DLG2: variants seen among roughly 807,000 people sequenced by gnomAD.
DLG2 encodes disks large homolog 2.
DLG2 carries 45 observed loss-of-function variants against 132.5 expected under a neutral mutation model. The observed-to-expected ratio is 0.34, with a 90% CI of 0.27 to 0.44. DLG2 has a LOEUF of 0.44. Among genes scored for constraint, DLG2 ranks in the 20% least tolerant of loss-of-function variants. The pLI, the probability that DLG2 is intolerant of heterozygous loss-of-function variation, is 1.00. For missense variants in DLG2, 1,045 were observed against 1,196.9 expected, an observed-to-expected ratio of 0.87 and a Z score of 1.87; for synonymous variants, 424 against 419.6, an observed-to-expected ratio of 1.01 and a Z score of -0.13.
chr11:84,684,365 TA>T (rs2099736187), intron 6 of DLG2, among the ~76,000 whole-genome samples: 2 of 152,186 alleles, frequency 1.3e-5, no homozygotes, highest in Admixed American at 1.3e-4. Context: ...TGACTTCCTT[TA>T]TACAACTTTC....
At chr11:83,868,783 C>T (rs879680109) in intron 16 of DLG2, among the ~76,000 whole-genome samples, 1 of 152,096 alleles carries the variant, frequency 6.6e-6, no homozygotes, top group Admixed American at 6.6e-5. Context: ...TATTTATCAG[C>T]ATGTCAACTC....
intron 17 of DLG2, 82 bp from the exon 18 acceptor site, chr11:83,786,874 G>T: frequency 1.7e-6 from 2 of 1,168,164 alleles, no homozygotes; most frequent in Non-Finnish European, 2.5e-6. Flanking sequence ...CCAAAACCAG[G>T]CTGTCTAACA....
At chr11:83,541,103 G>A (rs1236835966) in intron 20 of DLG2, among the ~76,000 whole-genome samples, 2 of 151,950 alleles carry the variant, frequency 1.3e-5, no homozygotes, top group Non-Finnish European at 2.9e-5. Context: ...GTTGTGAGGT[G>A]GGGAACAAGA....
At chr11:84,028,052 TA>T (rs368079509) in intron 11 of DLG2, among the ~76,000 whole-genome samples, 7,002 of 146,710 alleles carry the variant, frequency 0.048, 209 homozygotes, top group Non-Finnish European at 0.071. Context: ...TTGTCCAGAT[TA>T]AAAAAAAAAA....
At chr11:83,763,526 C>A (rs752914341) in intron 18 of DLG2, among the ~76,000 whole-genome samples, 2 of 152,128 alleles carry the variant, frequency 1.3e-5, no homozygotes, top group African/African-American at 4.8e-5. Context: ...CATAGAAAAA[C>A]CCACAGCCAA....
intron 3 of DLG2, among the ~76,000 whole-genome samples, chr11:85,545,199 G>A (rs1390783440): frequency 6.6e-6 from 1 of 152,162 alleles, no homozygotes; most frequent in Non-Finnish European, 1.5e-5. Context: ...TTAGCATGAA[G>A]GGCTGTTGAA....
At chr11:83,748,350 G>A (rs555609587) in intron 18 of DLG2, among the ~76,000 whole-genome samples, 1 of 152,214 alleles carries the variant, frequency 6.6e-6, no homozygotes, top group Admixed American at 6.5e-5. Context: ...TAATCAACTG[G>A]ACATTTTCAT....
intron 10 of DLG2, among the ~76,000 whole-genome samples, chr11:84,097,879 C>T (rs1399646251): frequency 6.6e-6 from 1 of 152,000 alleles, no homozygotes; most frequent in African/African-American, 2.4e-5. Context: ...AGGTTTTGAT[C>T]CCATAGCATT....
At chr11:84,302,353 T>C (rs570222270) in intron 7 of DLG2, among the ~76,000 whole-genome samples, 2 of 152,272 alleles carry the variant, frequency 1.3e-5, no homozygotes, top group Non-Finnish European at 2.9e-5. Context: ...TAAAAAATGA[T>C]GTCAACAAGA....
chr11:84,121,301 C>T (rs1443199796), intron 9 of DLG2, among the ~76,000 whole-genome samples: 1 of 152,046 alleles, frequency 6.6e-6, no homozygotes, highest in Non-Finnish European at 1.5e-5. Context: ...ATTATGTTCC[C>T]ATCTTGTTCA....
At chr11:85,481,525 A>C (rs1247379180) in intron 3 of DLG2, among the ~76,000 whole-genome samples, 1 of 152,150 alleles carries the variant, frequency 6.6e-6, no homozygotes, top group Non-Finnish European at 1.5e-5. Flanking sequence ...ACTTGAGAGA[A>C]GGAGAGGGCA....
chr11:85,509,258 C>A (rs1297509986), intron 3 of DLG2, among the ~76,000 whole-genome samples: 1 of 151,954 alleles, frequency 6.6e-6, no homozygotes, highest in Admixed American at 6.6e-5. Context: ...AAAAGATTAC[C>A]TATATGGAAA....
At chr11:84,581,696 C>A (rs888149054) in intron 6 of DLG2, among the ~76,000 whole-genome samples, 9 of 151,828 alleles carry the variant, frequency 5.9e-5, no homozygotes, top group Non-Finnish European at 1.3e-4. Flanking sequence ...ATCACAAGAT[C>A]AAGAGATCAA....
intron 11 of DLG2, among the ~76,000 whole-genome samples, chr11:84,045,726 G>GA (rs1350384277): frequency 1.3e-5 from 2 of 151,466 alleles, no homozygotes; most frequent in African/African-American, 2.4e-5. Flanking sequence ...AATTTGTAGA[G>GA]AAAATTTATA....
chr11:83,714,228 T>TTTTTTTTTTTTTTTTTTG (rs1592952561), intron 18 of DLG2, among the ~76,000 whole-genome samples: 1 of 151,914 alleles, frequency 6.6e-6, no homozygotes, highest in East Asian at 1.9e-4. Flanking sequence ...GGAGTAGTTC[T>TTTTTTTTTTTTTTTTTTG]AAAGGGGAAA....
intron 19 of DLG2, among the ~76,000 whole-genome samples, chr11:83,599,098 C>T (rs2058097573): frequency 6.6e-6 from 1 of 152,214 alleles, no homozygotes; most frequent in Admixed American, 6.5e-5. Flanking sequence ...CCTTCCTTGG[C>T]ACTTAGCAAG....
intron 17 of DLG2, among the ~76,000 whole-genome samples, chr11:83,800,080 A>T (rs2043940564): frequency 1.3e-5 from 2 of 152,214 alleles, no homozygotes; most frequent in South Asian, 4.1e-4. Context: ...GTACACAAAG[A>T]GGATGACTTG....
chr11:84,761,080 C>T (rs2067565153), intron 6 of DLG2, among the ~76,000 whole-genome samples: 1 of 152,158 alleles, frequency 6.6e-6, no homozygotes, highest in Non-Finnish European at 1.5e-5. Flanking sequence ...GCAGAGGGTC[C>T]ATTGAGCTGA....
intron 6 of DLG2, among the ~76,000 whole-genome samples, chr11:84,803,756 A>G (rs2075690845): frequency 6.6e-6 from 1 of 152,236 alleles, no homozygotes; most frequent in African/African-American, 2.4e-5. Context: ...CGACTAGCCC[A>G]TAAAGGAGTC....
Sources: allele counts gnomAD v4.1 joint callset (sites outside exome capture counted in the v4.1 genomes callset), GRCh38; gene constraint gnomAD v4.1.1; transcripts MANE v1.5; gene names NCBI Gene and HGNC (gene_info 2026-07-23, HGNC 2026-07-21).